The following ADGRV1 variants were observed in gnomAD, a reference collection of about 807,000 sequenced individuals.
ADGRV1 encodes the protein G-protein coupled receptor 98.
A neutral mutation model predicts 596.2 loss-of-function variants in ADGRV1; 359 were observed. The observed-to-expected ratio is 0.60, with a 90% CI of 0.55 to 0.66. The LOEUF is 0.66. Ranked by LOEUF, ADGRV1 falls within the 30% of genes least tolerant of loss-of-function variation. ADGRV1 has a pLI of 0.00. For synonymous variants in ADGRV1, 2,681 were observed against 2,679.2 expected (o/e 1.00, Z -0.02); for missense variants, 7,274 against 7,575.6 (o/e 0.96, Z 1.48).
chr5:91,045,390 A>C (rs1785714527), intron 85 of ADGRV1, among the ~76,000 whole-genome samples: 1 of 152,228 alleles, frequency 6.6e-6, no homozygotes. Flanking sequence ...TAACATATGC[A>C]AGTCAATAAA....
intron 7 of ADGRV1, chr5:90,628,002 TTTC>T: frequency 2.9e-6 from 1 of 340,650 alleles, no homozygotes; most frequent in Non-Finnish European, 5.2e-6. Flanking sequence ...CACTGTTTTC[TTTC>T]TTATTTGGAG....
chr5:91,002,607 C>G (rs1202867456), intron 85 of ADGRV1, among the ~76,000 whole-genome samples: 2 of 151,738 alleles, frequency 1.3e-5, no homozygotes, highest in Non-Finnish European at 2.9e-5. Context: ...TTTTTCTGGC[C>G]CCTTTAATAA....
chr5:90,617,759 TA>T, intron 2 of ADGRV1, 44 bp from the exon 3 acceptor site: 1 of 1,518,840 alleles, frequency 6.6e-7, no homozygotes, highest in Non-Finnish European at 9.0e-7. Flanking sequence ...TTACTTGTCC[TA>T]ATACTGTGTT....
intron 87 of ADGRV1, among the ~76,000 whole-genome samples, chr5:91,137,869 A>G (rs984959257): frequency 4.5e-4 from 68 of 152,340 alleles, no homozygotes; most frequent in African/African-American, 1.5e-3. Flanking sequence ...TACTCAGTGA[A>G]TGAACCAAAG....
At chr5:90,634,674 G>A (rs1334452679) in intron 9 of ADGRV1, among the ~76,000 whole-genome samples, 1 of 152,110 alleles carries the variant, frequency 6.6e-6, no homozygotes, top group Admixed American at 6.6e-5. Flanking sequence ...TTGGATGTAG[G>A]TGGCAAGGAG....
chr5:91,082,228 TC>T (rs1789449973), intron 86 of ADGRV1, among the ~76,000 whole-genome samples: 1 of 152,220 alleles, frequency 6.6e-6, no homozygotes, highest in African/African-American at 2.4e-5. Flanking sequence ...AATGAAACAT[TC>T]CCATTGTTTA....
At position 90,681,593 on chromosome 5, in the gene ADGRV1, T is replaced by C. The variant is rs767874285; in HGVS notation, c.5664+139T>C. On this transcript the variant is annotated intron_variant, in intron 27 of 89. Transcript: ENST00000405460. Reference sequence around the variant, plus strand: ...AGCCTATTGGCACAGGCAATACAAATTGGTGATCAAACAGTCGTTTGGCAT... The same window carrying C: ...AGCCTATTGGCACAGGCAATACAAACTGGTGATCAAACAGTCGTTTGGCAT... 5.5e-4 allele frequency: 422 copies of C among 771,470 alleles called. 1 individual carries two copies. Among genetic ancestry groups the C allele is most frequent in the Non-Finnish European group, 7.4e-4 (384 of 518,244 alleles). The allele number at this position is 771,470 out of a possible 1,614,324, so 47.8% of individuals were successfully genotyped here.
chr5:91,101,668 T>C (rs574563167), intron 86 of ADGRV1, among the ~76,000 whole-genome samples: 2 of 152,330 alleles, frequency 1.3e-5, no homozygotes, highest in South Asian at 2.1e-4. Flanking sequence ...ATAAGTTTAG[T>C]TGATCATTAT....
At chr5:90,819,992 A>T (rs1459980180) in intron 75 of ADGRV1, among the ~76,000 whole-genome samples, 1 of 150,008 alleles carries the variant, frequency 6.7e-6, no homozygotes, top group South Asian at 2.1e-4. Context: ...TGTCTCGTTG[A>T]TCTGTCTAAT....
At chr5:90,772,817 A>T in intron 59 of ADGRV1, among the ~76,000 whole-genome samples, 1 of 152,224 alleles carries the variant, frequency 6.6e-6, no homozygotes, top group South Asian at 2.1e-4. Flanking sequence ...AGCCATTGTC[A>T]GATAAATCTT....
At chr5:90,963,865 A>G (rs1778233493) in intron 83 of ADGRV1, among the ~76,000 whole-genome samples, 1 of 151,096 alleles carries the variant, frequency 6.6e-6, no homozygotes, top group Non-Finnish European at 1.5e-5. Flanking sequence ...TAAGAGATAC[A>G]TATTGTAGAT....
In ADGRV1 at chr5:90,708,736, GTTTAA is replaced by G. The variant is rs150270571; in HGVS notation, c.8731-74_8731-70del. The G allele has an allele frequency of 0.011, 9,384 of 893,076 alleles. 527 individuals carry two copies. In the African/African-American group the frequency reaches 0.13, roughly 12 times the overall value. The allele number at this position is 893,076 out of a possible 1,614,324, so 55.3% of individuals were successfully genotyped here. On this transcript the variant is annotated intron_variant, in intron 38 of 89. Transcript: ENST00000405460. Reference sequence around the variant, plus strand: ...GTATCTTCTGTATACTAATTATACAGTTTAATTTAAAAACAGTTTCTGAGGGTTAA... The same window carrying G: ...GTATCTTCTGTATACTAATTATACAGTTTAAAAACAGTTTCTGAGGGTTAA...
intron 70 of ADGRV1, among the ~76,000 whole-genome samples, chr5:90,797,720 A>G (rs1468129591): frequency 6.6e-6 from 1 of 152,198 alleles, no homozygotes; most frequent in Non-Finnish European, 1.5e-5. Flanking sequence ...TGACCACATA[A>G]TTGGAAGTAA....
rs1275450931 is a variant in ADGRV1, at chr5:90,692,978, T to A, written c.7133+192T>A. Among the ~76,000 whole-genome samples, 19 of 152,166 alleles carry A rather than the reference T, an allele frequency of 1.2e-4. No individual in the cohort carries two copies. In the East Asian group the frequency reaches 3.7e-3, roughly 29 times the overall value. On this transcript the variant is annotated intron_variant, in intron 32 of 89. Transcript: ENST00000405460. ...AGGGCCTTTCATTTATCATACCTATTGTTAGTGAAATGGGTAATAAATTTT... is the reference window on the plus strand; with the variant it reads ...AGGGCCTTTCATTTATCATACCTATAGTTAGTGAAATGGGTAATAAATTTT...
intron 1 of ADGRV1, among the ~76,000 whole-genome samples, chr5:90,578,536 G>A (rs562928485): frequency 0.088 from 13,432 of 152,026 alleles, 1,840 homozygotes; most frequent in African/African-American, 0.3. Context: ...GAGGATTTTT[G>A]CATCGATGTT....
At chr5:90,906,450 T>C (rs1181434720) in intron 83 of ADGRV1, among the ~76,000 whole-genome samples, 1 of 152,188 alleles carries the variant, frequency 6.6e-6, no homozygotes, top group East Asian at 1.9e-4. Flanking sequence ...TGGTTCAGTC[T>C]TGGTAGGTTG....
chr5:90,611,292 A>G (rs1762706329), intron 1 of ADGRV1, among the ~76,000 whole-genome samples: 1 of 151,968 alleles, frequency 6.6e-6, no homozygotes, highest in Non-Finnish European at 1.5e-5. Context: ...GAATATGATT[A>G]CTAGAATTCA....
At chr5:90,697,988 T>C (rs1169261551) in intron 34 of ADGRV1, among the ~76,000 whole-genome samples, 1 of 152,174 alleles carries the variant, frequency 6.6e-6, no homozygotes, top group African/African-American at 2.4e-5. Context: ...TGTCAGATGG[T>C]TAGTGGCTGT....
chr5:90,708,972 T>G, intron 39 of ADGRV1, 63 bp downstream of exon 39: 1 of 1,116,986 alleles, frequency 9.0e-7, no homozygotes. Context: ...AAACTTCATT[T>G]TTGAATCAGA....
Sources: gnomAD v4.1 joint callset for allele counts (sites outside exome capture counted in the v4.1 genomes callset) on GRCh38, gnomAD v4.1.1 for gene constraint, MANE v1.5 for transcripts, NCBI Gene and HGNC (gene_info 2026-07-23, HGNC 2026-07-21) for gene names.